The following SETBP1 variants were observed in gnomAD, a reference collection of about 807,000 sequenced individuals.
SETBP1 encodes SET binding protein 1.
In SETBP1, 9 loss-of-function variants were observed where a neutral mutation model predicts 101.0. The ratio of observed to expected loss-of-function variants is 0.09; its 90% confidence interval spans 0.05 to 0.16. SETBP1 has a LOEUF of 0.16. Among genes scored for constraint, SETBP1 ranks in the 10% least tolerant of loss-of-function variants. The probability of loss-of-function intolerance (pLI) is 1.00; values close to 1 mark genes in which losing one functional copy is unlikely to be tolerated. For synonymous variants in SETBP1, 818 were observed against 788.5 expected (o/e 1.04, Z -0.63); for missense variants, 1,858 against 2,033.8 (o/e 0.91, Z 1.66).
At chr18:44,978,453 G>A (rs115862714) in intron 4 of SETBP1, among the ~76,000 whole-genome samples, 99 of 152,278 alleles carry the variant, frequency 6.5e-4, no homozygotes, top group African/African-American at 2.3e-3. Flanking sequence ...AAATGAGTGA[G>A]CAATAGGAAT....
chr18:44,817,595 G>A (rs1203953076), intron 2 of SETBP1, among the ~76,000 whole-genome samples: 1 of 150,976 alleles, frequency 6.6e-6, no homozygotes, highest in Non-Finnish European at 1.5e-5. Flanking sequence ...TGAGACAGGA[G>A]AATCTCTTGA....
chr18:44,845,318 C>G (rs376043732), intron 2 of SETBP1, among the ~76,000 whole-genome samples: 6 of 152,300 alleles, frequency 3.9e-5, no homozygotes, highest in East Asian at 3.9e-4. Context: ...CCCCCTTCCA[C>G]TCTCCTCATT....
At chr18:44,817,931 C>T (rs1488328696) in intron 2 of SETBP1, among the ~76,000 whole-genome samples, 1 of 152,134 alleles carries the variant, frequency 6.6e-6, no homozygotes, top group Non-Finnish European at 1.5e-5. Flanking sequence ...AAAAGTCTGG[C>T]ACTTACTGTC....
At chr18:44,813,515 G>A (rs1407524969) in intron 2 of SETBP1, among the ~76,000 whole-genome samples, 1 of 152,154 alleles carries the variant, frequency 6.6e-6, no homozygotes, top group Non-Finnish European at 1.5e-5. Flanking sequence ...TAGACTGGGA[G>A]CAGGGTGTCT....
chr18:44,792,187 G>A (rs2144734359), intron 2 of SETBP1, among the ~76,000 whole-genome samples: 1 of 152,252 alleles, frequency 6.6e-6, no homozygotes, highest in East Asian at 1.9e-4. Flanking sequence ...GGGGAGTACA[G>A]GACTAGGAGA....
At chr18:44,903,279 T>C (rs1475217263) in intron 3 of SETBP1, among the ~76,000 whole-genome samples, 2 of 152,200 alleles carry the variant, frequency 1.3e-5, no homozygotes, top group Admixed American at 1.3e-4. Context: ...CTCTGGGCAG[T>C]GCCTCTCCAA....
intron 3 of SETBP1, among the ~76,000 whole-genome samples, chr18:44,874,961 G>GA (rs1379923584): frequency 1.3e-5 from 2 of 152,202 alleles, no homozygotes. Flanking sequence ...CTGAAGCAGG[G>GA]CAGGGGCTGT....
intron 4 of SETBP1, among the ~76,000 whole-genome samples, chr18:45,016,081 A>G (rs16978243): frequency 0.013 from 1,933 of 152,324 alleles, 44 homozygotes; most frequent in African/African-American, 0.044. Context: ...AAAAGAAAAT[A>G]CAGCCCGTAC....
At chr18:44,989,725 C>T (rs866358947) in intron 4 of SETBP1, among the ~76,000 whole-genome samples, 41 of 151,044 alleles carry the variant, frequency 2.7e-4, no homozygotes, top group African/African-American at 8.2e-4. Flanking sequence ...AAAAATTAGC[C>T]GGGCATAGTG....
rs1310692572 is a variant in SETBP1 at position 44,951,679 on chromosome 18, C to T, written c.2339C>T (p.Ser780Leu). 1 of 1,614,052 alleles carries T rather than the reference C, an allele frequency of 6.2e-7. No individual in the cohort carries two copies. Among genetic ancestry groups the T allele is most frequent in the African/African-American group, 1.3e-5 (1 of 74,926 alleles). The change falls in exon 4 of 6, where the codon TCA becomes TTA. Residue 780 changes from serine to leucine, a missense_variant. Ser to Leu is a moderately radical substitution (Grantham distance 145). This residue lies in a region of SETBP1 where 121 missense variants were observed against 138.0 expected (regional missense o/e 0.88). Coordinates refer to ENST00000649279, the MANE Select transcript of SETBP1 (RefSeq NM_015559.3). This position sits in a 1 kb window ranked among gnomAD's most constrained non-coding sequence, Gnocchi z 7.8. ...TCACCAGCAGCTATGCACCCACTTT[C>T]AACACAGTTAGGTGGGTCCAATGGC... ...ASSPAAMHPL[S>L]TQLGGSNGNL... is the part of the protein sequence containing the mutation.
At chr18:44,783,909 C>G (rs2071187235) in intron 2 of SETBP1, among the ~76,000 whole-genome samples, 1 of 152,084 alleles carries the variant, frequency 6.6e-6, no homozygotes, top group African/African-American at 2.4e-5. Flanking sequence ...GTTCATTATG[C>G]CTATATTGCA....
At chr18:44,751,739 C>G (rs2070383966) in intron 2 of SETBP1, among the ~76,000 whole-genome samples, 1 of 152,134 alleles carries the variant, frequency 6.6e-6, no homozygotes, top group South Asian at 2.1e-4. Flanking sequence ...CATTTGGAAA[C>G]CAGGCAGGCG....
chr18:44,688,476 A>ATT (rs879711867), intron 1 of SETBP1, among the ~76,000 whole-genome samples: 8 of 138,556 alleles, frequency 5.8e-5, no homozygotes, highest in Admixed American at 1.4e-4. Context: ...GAGACCTTTG[A>ATT]TTTTTTTTTT....
chr18:44,980,769 G>A (rs1366920280), intron 4 of SETBP1, among the ~76,000 whole-genome samples: 1 of 152,168 alleles, frequency 6.6e-6, no homozygotes, highest in African/African-American at 2.4e-5. Flanking sequence ...ACAGCTCTAG[G>A]TTAAGGTTAT....
chr18:45,021,187 C>T (rs2073057980), intron 4 of SETBP1, among the ~76,000 whole-genome samples: 1 of 152,170 alleles, frequency 6.6e-6, no homozygotes, highest in African/African-American at 2.4e-5. Flanking sequence ...GTATCTATAA[C>T]TTACTGGACT....
intron 5 of SETBP1, among the ~76,000 whole-genome samples, chr18:45,040,661 T>C (rs2073490774): frequency 6.6e-6 from 1 of 152,224 alleles, no homozygotes; most frequent in Non-Finnish European, 1.5e-5. Context: ...TGGGATCACA[T>C]GCTTATATGG....
At chr18:45,049,758 A>G (rs1046700003) in intron 5 of SETBP1, among the ~76,000 whole-genome samples, 6 of 152,178 alleles carry the variant, frequency 3.9e-5, no homozygotes, top group African/African-American at 1.4e-4. Flanking sequence ...CAGTTAATCT[A>G]GCAGCAATGA....
At chr18:44,804,130 CAAAG>C (rs2071675049) in intron 2 of SETBP1, among the ~76,000 whole-genome samples, 4 of 151,920 alleles carry the variant, frequency 2.6e-5, no homozygotes, top group Admixed American at 2.6e-4. Context: ...GCACTTGAAA[CAAAG>C]AAAGGAAACC....
chr18:44,951,573 G>A lies in SETBP1; in HGVS notation c.2233G>A (p.Ala745Thr). Residue 745 changes from alanine (A) to threonine (T), a missense_variant, in exon 4 of 6, where the codon GCC becomes ACC. Physicochemically the swap from Ala to Thr is moderately conservative, Grantham distance 58. Coordinates refer to ENST00000649279, the MANE Select transcript of SETBP1 (RefSeq NM_015559.3). This position sits in a 1 kb window ranked among gnomAD's most constrained non-coding sequence, Gnocchi z 7.8. The part of the protein sequence containing the change: ...LPPPSEEPKT[A>T]IKHPRPVSSQ... ...ACCCCCATCCGAAGAACCCAAAACAGCCATCAAGCACCCCAGGCCTGTTTC... is the reference window on the plus strand; with the variant it reads ...ACCCCCATCCGAAGAACCCAAAACAACCATCAAGCACCCCAGGCCTGTTTC... 6.2e-7 allele frequency: 1 copy of A among 1,614,102 alleles called. No homozygotes were observed. Among genetic ancestry groups the A allele is most frequent in the South Asian group, 1.1e-5 (1 of 91,072 alleles).
Sources: allele counts gnomAD v4.1 joint callset (sites outside exome capture counted in the v4.1 genomes callset), GRCh38; gene constraint gnomAD v4.1.1; regional missense constraint gnomAD v4.1.1; non-coding constraint Gnocchi (gnomAD v3.1); transcripts MANE v1.5; gene names NCBI Gene and HGNC (gene_info 2026-07-23, HGNC 2026-07-21).